The following SPRY1 variants were observed in gnomAD, a reference collection of about 807,000 sequenced individuals.
SPRY1 encodes protein sprouty homolog 1.
A neutral mutation model predicts 22.6 loss-of-function variants in SPRY1; 20 were observed. The observed-to-expected ratio is 0.89, with a 90% CI of 0.62 to 1.29. The LOEUF (loss-of-function observed/expected upper bound fraction) is 1.29. SPRY1 is among the 50% of genes most tolerant of loss of function. The probability of loss-of-function intolerance (pLI) is 0.00; values close to 1 mark genes in which losing one functional copy is unlikely to be tolerated. For synonymous variants in SPRY1, 155 were observed against 144.7 expected (o/e 1.07, Z -0.51); for missense variants, 446 against 387.7 (o/e 1.15, Z -1.26).
intron 1 of SPRY1, 59 bp from the exon 2 acceptor site, chr4:123,397,552 T>C (rs530992150): frequency 1.3e-5 from 2 of 151,600 alleles, no homozygotes; most frequent in Non-Finnish European, 2.9e-5. Flanking sequence ...CCGCCCGGGG[T>C]CCCAGCCCTT....
chr4:123,402,449 T>C lies in SPRY1; in HGVS notation c.858T>C (p.Cys286=), dbSNP rs1725212343. ...AKGCLKLCRR[C]YDWIHRPGCR... is the part of the protein sequence containing the mutation. The stretch of plus-strand genomic sequence containing the variant: ...GATGCCTGAAGCTGTGCAGGAGGTG[T>C]TATGACTGGATCCATCGCCCAGGGT... The change falls in exon 3 of 3, where the codon TGT becomes TGC. Residue 286 remains cysteine (C), a synonymous_variant. Coordinates refer to ENST00000651917, the MANE Select transcript of SPRY1 (RefSeq NM_001258038.2). 6.2e-7 allele frequency: 1 copy of C among 1,614,014 alleles called. No homozygotes were observed. The highest frequency in any genetic ancestry group is 1.3e-5 in the African/African-American group (1 of 74,904).
rs1338296253 is a variant in SPRY1, at chr4:123,403,129, T to G, written c.*578T>G. The G allele has an allele frequency of 1.5e-5, 4 of 266,178 alleles. No individual in the cohort carries two copies. The highest frequency in any genetic ancestry group is 3.0e-5 in the Non-Finnish European group (4 of 133,960). The allele number at this position is 266,178 out of a possible 1,614,324, so 16.5% of individuals were successfully genotyped here. On this transcript the variant is annotated 3_prime_UTR_variant, in exon 3 of 3. Coordinates refer to ENST00000651917, the MANE Select transcript of SPRY1 (RefSeq NM_001258038.2). ...GGTTCTTTCCCCCTCAGTTTTGTTGTTGTCTTACTCTGGAGATGCCAAGTG... is the reference window on the plus strand; with the variant it reads ...GGTTCTTTCCCCCTCAGTTTTGTTGGTGTCTTACTCTGGAGATGCCAAGTG...
At position 123,401,536 on chromosome 4, in the gene SPRY1, G is replaced by T; in HGVS notation, c.-55-1G>T. The T allele has an allele frequency of 6.5e-7, 1 of 1,542,140 alleles. No individual in the cohort carries two copies. The highest frequency in any genetic ancestry group is 8.7e-7 in the Non-Finnish European group (1 of 1,145,558). On this transcript the variant is annotated splice_acceptor_variant, in intron 2 of 2. Transcript: ENST00000651917. LOFTEE classifies it low-confidence loss of function (5UTR_SPLICE). ...TTTTTTCATCTTTGATTTCGTTTTA[G>T]GATTTCAGATGCATGCCAGGTTTCC...
chr4:123,402,335 T>C lies in SPRY1; in HGVS notation c.744T>C (p.Cys248=). 6.2e-7 allele frequency: 1 copy of C among 1,614,258 alleles called. No homozygotes were observed. The highest frequency in any genetic ancestry group is 8.5e-7 in the Non-Finnish European group (1 of 1,180,038). Residue 248 remains cysteine (C), a synonymous_variant, in exon 3 of 3, where the codon TGT becomes TGC. Coordinates refer to ENST00000651917, the MANE Select transcript of SPRY1 (RefSeq NM_001258038.2). The part of the protein sequence containing the change: ...GDSYSDNPCS[C]SQSHCCSRYL... ...CCTATTCAGATAATCCTTGCTCCTG[T>C]TCACAATCACACTGCTGCTCTAGAT...
Position 123,403,608 on chromosome 4 carries a change from C to T in SPRY1, c.*1057C>T, listed in dbSNP as rs1725257804. Reference sequence around the variant, plus strand: ...TAAAGAATATTTATTATGCGAATCTCTATTATTTTATGGTATTTATTGCAA... The same window carrying T: ...TAAAGAATATTTATTATGCGAATCTTTATTATTTTATGGTATTTATTGCAA... On this transcript the variant is annotated 3_prime_UTR_variant, in exon 3 of 3. Coordinates refer to ENST00000651917, the MANE Select transcript of SPRY1 (RefSeq NM_001258038.2). The T allele has an allele frequency of 6.0e-6, 1 of 166,928 alleles. No individual in the cohort carries two copies. The highest frequency in any genetic ancestry group is 2.4e-5 in the African/African-American group (1 of 41,410). 10.3% of individuals were successfully genotyped at this position (166,928 alleles called of 1,614,324 possible).
chr4:123,401,306 T>C (rs753696686), intron 2 of SPRY1, among the ~76,000 whole-genome samples: 37 of 152,330 alleles, frequency 2.4e-4, no homozygotes, highest in Admixed American at 2.2e-3. Context: ...GAAAAACTTA[T>C]AATGTTCATG....
chr4:123,402,766 C>T lies in SPRY1; in HGVS notation c.*215C>T, dbSNP rs1392071717. Reference sequence around the variant, plus strand: ...AGCTGCACCTGGCTCCCACTTTCAACAAGAGCCTCTGCCATCCACTTGAGG... The same window carrying T: ...AGCTGCACCTGGCTCCCACTTTCAATAAGAGCCTCTGCCATCCACTTGAGG... On this transcript the variant is annotated 3_prime_UTR_variant, in exon 3 of 3. Transcript: ENST00000651917. 3.2e-6 allele frequency: 2 copies of T among 628,432 alleles called. No homozygotes were observed. Among genetic ancestry groups the T allele is most frequent in the African/African-American group, 1.8e-5 (1 of 54,410 alleles). The allele number at this position is 628,432 out of a possible 1,614,324, so 38.9% of individuals were successfully genotyped here.
In SPRY1 at chr4:123,401,799, A is replaced by C. The variant is rs1256753443; in HGVS notation, c.208A>C (p.Arg70=). 6.2e-7 allele frequency: 1 copy of C among 1,614,142 alleles called. No homozygotes were observed. Among genetic ancestry groups the C allele is most frequent in the African/African-American group, 1.3e-5 (1 of 74,948 alleles). The change falls in exon 3 of 3, where the codon AGA becomes CGA. Residue 70 remains arginine (R), a synonymous_variant. Transcript: ENST00000651917. ...AAGACCTGCTCCTCGGACAGCACCA[A>C]GACAAGAAAAGCATGAAAGGACTCA... ...VKRPAPRTAP[R]QEKHERTHEI...
chr4:123,400,896 C>G (rs1725119586), intron 2 of SPRY1, among the ~76,000 whole-genome samples: 1 of 152,010 alleles, frequency 6.6e-6, no homozygotes, highest in African/African-American at 2.4e-5. Flanking sequence ...CTCCAAAACA[C>G]CAAGAATCGT....
chr4:123,401,468 TCC>T, intron 2 of SPRY1, 67 bp from the exon 3 acceptor site: 6 of 1,003,322 alleles, frequency 6.0e-6, no homozygotes, highest in Non-Finnish European at 8.4e-6. Flanking sequence ...TTGACAGGAT[TCC>T]CCCCCCCCAA....
chr4:123,401,324 G>T (rs1261561650), intron 2 of SPRY1, among the ~76,000 whole-genome samples: 2 of 152,132 alleles, frequency 1.3e-5, no homozygotes, highest in Non-Finnish European at 2.9e-5. Context: ...ATGGCATGGG[G>T]TCTCTTGTTT....
intron 2 of SPRY1, chr4:123,399,742 T>C (rs1725072531): frequency 6.6e-6 from 1 of 152,218 alleles, no homozygotes; most frequent in Admixed American, 6.5e-5. Context: ...ACCCAAAAAG[T>C]GTGTTGGAAA....
rs1440072165 is a variant in SPRY1, at chr4:123,402,159, G to A, written c.568G>A (p.Gly190Arg). ...ICEQCGKCKCGECTAPRTLPS... is the reference protein window; with the variant it reads ...ICEQCGKCKCRECTAPRTLPS... The stretch of plus-strand genomic sequence containing the variant: ...TGAACAGTGTGGGAAGTGCAAGTGT[G>A]GAGAATGCACTGCTCCCAGGACCCT... Residue 190 changes from glycine to arginine, a missense_variant, in exon 3 of 3, where the codon GGA (glycine) becomes AGA (arginine). Transcript: ENST00000651917. The A allele has an allele frequency of 6.2e-7, 1 of 1,614,220 alleles. No individual in the cohort carries two copies. The highest frequency in any genetic ancestry group is 1.3e-5 in the African/African-American group (1 of 75,048).
rs1236880944 is a variant in SPRY1 at position 123,401,534 on chromosome 4, T to C, written c.-55-3T>C. 6.4e-7 allele frequency: 1 copy of C among 1,555,306 alleles called. No individual in the cohort carries two copies. The highest frequency in any genetic ancestry group is 1.4e-5 in the African/African-American group (1 of 72,362). ...GTTTTTTTCATCTTTGATTTCGTTT[T>C]AGGATTTCAGATGCATGCCAGGTTT... On this transcript the variant is annotated splice_polypyrimidine_tract_variant and splice_region_variant and intron_variant, in intron 2 of 2. Transcript: ENST00000651917.
At position 123,401,957 on chromosome 4, in the gene SPRY1, C is replaced by T; in HGVS notation, c.366C>T (p.Ser122=). 1 of 1,614,196 alleles carries T rather than the reference C, an allele frequency of 6.2e-7. No homozygotes were observed. Among genetic ancestry groups the T allele is most frequent in the Non-Finnish European group, 8.5e-7 (1 of 1,180,032 alleles). The change falls in exon 3 of 3, where the codon AGC becomes AGT. Residue 122 remains serine (S), a synonymous_variant. Transcript: ENST00000651917. ...CAACCAGCACTGGAAGTGCAGCCAG[C>T]TCTGGGAGCAACAGCAGTGCCTCTT... ...SRSTSTGSAA[S]SGSNSSASSE...
At chr4:123,400,887 T>C (rs552942618) in intron 2 of SPRY1, among the ~76,000 whole-genome samples, 1 of 152,304 alleles carries the variant, frequency 6.6e-6, no homozygotes, top group African/African-American at 2.4e-5. Flanking sequence ...TGTTTGTAGC[T>C]CCAAAACACC....
chr4:123,401,657 T>A lies in SPRY1; in HGVS notation c.66T>A (p.Asp22Glu), dbSNP rs1035810825. 6.2e-7 allele frequency: 1 copy of A among 1,614,222 alleles called. No individual in the cohort carries two copies. The highest frequency in any genetic ancestry group is 1.7e-5 in the Admixed American group (1 of 60,022). The change falls in exon 3 of 3, where the codon GAT becomes GAA. Residue 22 changes from aspartate (D) to glutamate (E), a missense_variant. Transcript: ENST00000651917. ...SLVVIQQPSL[D>E]SRQRLDYERE... ...TTGTGATCCAGCAGCCTTCTTTGGATAGCCGTCAGAGATTAGACTATGAGA... is the reference window on the plus strand; with the variant it reads ...TTGTGATCCAGCAGCCTTCTTTGGAAAGCCGTCAGAGATTAGACTATGAGA...
Position 123,402,787 on chromosome 4 carries a change from TGAG to T in SPRY1, c.*238_*240del. On this transcript the variant is annotated 3_prime_UTR_variant, in exon 3 of 3. Coordinates refer to ENST00000651917, the MANE Select transcript of SPRY1 (RefSeq NM_001258038.2). ...TCAACAAGAGCCTCTGCCATCCACT[TGAG>T]GGTATTGAGAGCCAGTGGGCTTTTG... 1 of 579,624 alleles carries T rather than the reference TGAG, an allele frequency of 1.7e-6. No individual in the cohort carries two copies. The highest frequency in any genetic ancestry group is 3.1e-6 in the Non-Finnish European group (1 of 327,260). 35.9% of individuals were successfully genotyped at this position (579,624 alleles called of 1,614,324 possible). A position where few individuals can be genotyped will look rare whatever the true frequency, so the allele number is the denominator to read the frequency against.
At chr4:123,398,746 G>A (rs2126194957) in intron 2 of SPRY1, among the ~76,000 whole-genome samples, 1 of 152,262 alleles carries the variant, frequency 6.6e-6, no homozygotes. Context: ...GCGACGGTCT[G>A]CGGCTGCGGA....
Sources: gnomAD v4.1 joint callset for allele counts (sites outside exome capture counted in the v4.1 genomes callset) on GRCh38, gnomAD v4.1.1 for gene constraint, MANE v1.5 for transcripts, NCBI Gene and HGNC (gene_info 2026-07-23, HGNC 2026-07-21) for gene names.